The following NXPE2 variants were observed in gnomAD, a reference collection of about 807,000 sequenced individuals.
NXPE2 encodes neurexophilin and PC-esterase domain family member 2, also known as NXPE family member 2.
In NXPE2, 34 loss-of-function variants were observed where a neutral mutation model predicts 34.4. That is an observed-to-expected ratio of 0.99 (90% CI 0.75 to 1.31). The LOEUF (loss-of-function observed/expected upper bound fraction) is 1.31, where lower values mean the gene tolerates loss of function less well. Ranked by LOEUF, NXPE2 falls within the 40% of genes most tolerant of loss-of-function variation. The pLI is 0.00. For synonymous variants in NXPE2, 235 were observed against 231.3 expected, an observed-to-expected ratio of 1.02 and a Z score of -0.15; for missense variants, 649 against 672.5, an observed-to-expected ratio of 0.97 and a Z score of 0.39.
the NXPE2 span, among the ~76,000 whole-genome samples, chr11:114,535,988 A>G: frequency 6.6e-6 from 1 of 152,210 alleles, no homozygotes; most frequent in Non-Finnish European, 1.5e-5. Context: ...CATTCTTTTC[A>G]GCACCACACC....
chr11:114,494,167 C>T, the NXPE2 span, among the ~76,000 whole-genome samples: 1 of 152,082 alleles, frequency 6.6e-6, no homozygotes, highest in Non-Finnish European at 1.5e-5. Flanking sequence ...TTATTAAATG[C>T]GTTGAGGTCG....
At chr11:114,798,371 G>C in the NXPE2 span, among the ~76,000 whole-genome samples, 147,334 of 152,176 alleles carry the variant, frequency 0.97, 71,499 homozygotes, top group Middle Eastern at 1. Context: ...CCTTCCCTCT[G>C]TTTCTTTCTT....
chr11:114,568,691 G>C, the NXPE2 span, among the ~76,000 whole-genome samples: 1 of 151,970 alleles, frequency 6.6e-6, no homozygotes, highest in Non-Finnish European at 1.5e-5. Flanking sequence ...TTGTCTCACG[G>C]CTGCCTCCTT....
chr11:114,517,173 G>A, the NXPE2 span, among the ~76,000 whole-genome samples: 1 of 152,128 alleles, frequency 6.6e-6, no homozygotes, highest in East Asian at 1.9e-4. Flanking sequence ...GGATCTTTCA[G>A]GTTCTCAGTA....
At chr11:114,757,786 T>A in the NXPE2 span, among the ~76,000 whole-genome samples, 1 of 152,170 alleles carries the variant, frequency 6.6e-6, no homozygotes, top group Non-Finnish European at 1.5e-5. Context: ...AGACTAGAAC[T>A]CTATGGAAGG....
chr11:114,645,242 A>G, the NXPE2 span, among the ~76,000 whole-genome samples: 1 of 152,158 alleles, frequency 6.6e-6, no homozygotes, highest in Non-Finnish European at 1.5e-5. Context: ...CAGAAGCTGC[A>G]GTGAGCTGAG....
chr11:114,762,475 A>G, the NXPE2 span, among the ~76,000 whole-genome samples: 5 of 152,212 alleles, frequency 3.3e-5, no homozygotes, highest in African/African-American at 1.2e-4. Flanking sequence ...ATTGTTTTCC[A>G]TACACCATAA....
At chr11:114,562,506 A>G in the NXPE2 span, among the ~76,000 whole-genome samples, 1 of 152,340 alleles carries the variant, frequency 6.6e-6, no homozygotes, top group East Asian at 1.9e-4. Context: ...CTATTATTTT[A>G]CATATTTCTC....
the NXPE2 span, among the ~76,000 whole-genome samples, chr11:114,790,789 G>A: frequency 1.3e-5 from 2 of 151,576 alleles, no homozygotes; most frequent in Non-Finnish European, 1.5e-5. Context: ...GTTGATTTAT[G>A]AAAAAAGGAA....
At chr11:114,636,073 C>T in the NXPE2 span, among the ~76,000 whole-genome samples, 5 of 129,856 alleles carry the variant, frequency 3.9e-5, no homozygotes, top group African/African-American at 8.9e-5. Flanking sequence ...TGGTAGAATT[C>T]GACTGTGAAT....
chr11:114,634,778 A>C, the NXPE2 span, among the ~76,000 whole-genome samples: 1 of 151,902 alleles, frequency 6.6e-6, no homozygotes, highest in Non-Finnish European at 1.5e-5. Context: ...AGTTGTAGAT[A>C]TGTGGCATTA....
the NXPE2 span, among the ~76,000 whole-genome samples, chr11:114,483,736 G>T: frequency 1.1e-4 from 17 of 152,232 alleles, no homozygotes; most frequent in South Asian, 3.1e-3. Flanking sequence ...CATTTCTTTT[G>T]TTGGTAGAAT....
the NXPE2 span, among the ~76,000 whole-genome samples, chr11:114,721,849 T>A: frequency 1.3e-5 from 2 of 152,110 alleles, no homozygotes; most frequent in Non-Finnish European, 2.9e-5. Context: ...GGAGCACGTG[T>A]CTTTAGTTAC....
At chr11:114,509,161 T>G in the NXPE2 span, among the ~76,000 whole-genome samples, 1 of 152,112 alleles carries the variant, frequency 6.6e-6, no homozygotes, top group African/African-American at 2.4e-5. Flanking sequence ...AAGCTCAACA[T>G]CACTACTTAT....
the NXPE2 span, among the ~76,000 whole-genome samples, chr11:114,807,249 A>G: frequency 6.6e-6 from 1 of 152,122 alleles, no homozygotes; most frequent in Non-Finnish European, 1.5e-5. Flanking sequence ...GCCAAACTGT[A>G]AAGACCATCA....
At chr11:114,508,973 C>T in the NXPE2 span, among the ~76,000 whole-genome samples, 1 of 152,132 alleles carries the variant, frequency 6.6e-6, no homozygotes, top group African/African-American at 2.4e-5. Flanking sequence ...AGCAGACAAC[C>T]TACAGAATGA....
the NXPE2 span, among the ~76,000 whole-genome samples, chr11:114,606,967 C>A: frequency 6.6e-6 from 1 of 151,832 alleles, no homozygotes. Context: ...ATAAGTGTTG[C>A]CTTGTGGGTA....
At chr11:114,586,813 C>A in the NXPE2 span, among the ~76,000 whole-genome samples, 21 of 152,194 alleles carry the variant, frequency 1.4e-4, no homozygotes, top group Admixed American at 1.2e-3. Flanking sequence ...CTCCTATCCA[C>A]TCTCTGTATG....
chr11:114,496,319 A>C, the NXPE2 span, among the ~76,000 whole-genome samples: 1 of 152,120 alleles, frequency 6.6e-6, no homozygotes, highest in Non-Finnish European at 1.5e-5. Context: ...ATGTCCCACA[A>C]TCACTGTGCT....
Sources: gnomAD v4.1 joint callset for allele counts (sites outside exome capture counted in the v4.1 genomes callset) on GRCh38, gnomAD v4.1.1 for gene constraint, MANE v1.5 for transcripts, NCBI Gene and HGNC (gene_info 2026-07-23, HGNC 2026-07-21) for gene names.